Variants in MOB1B observed in about 807,000 individuals in gnomAD.
The protein encoded by MOB1B is MOB1 Mps One Binder homolog B.
A neutral mutation model predicts 24.4 loss-of-function variants in MOB1B; 19 were observed. The ratio of observed to expected loss-of-function variants is 0.78; its 90% CI spans 0.54 to 1.14. The LOEUF is 1.14. MOB1B is among the 50% of genes most tolerant of loss of function. The probability of loss-of-function intolerance (pLI) is 0.00; values close to 1 mark genes in which losing one functional copy is unlikely to be tolerated. For missense variants in MOB1B, 243 were observed against 259.6 expected (o/e 0.94, Z 0.44); for synonymous variants, 76 against 82.1 (o/e 0.93, Z 0.40).
At chr4:70,924,069 G>A (rs914570954) in intron 1 of MOB1B, among the ~76,000 whole-genome samples, 2 of 151,856 alleles carry the variant, frequency 1.3e-5, no homozygotes, top group African/African-American at 2.4e-5. Flanking sequence ...GTATTTTAAG[G>A]CAACTTTTTC....
At chr4:70,930,305 A>G (rs1264962276) in intron 1 of MOB1B, among the ~76,000 whole-genome samples, 1 of 152,172 alleles carries the variant, frequency 6.6e-6, no homozygotes, top group African/African-American at 2.4e-5. Context: ...AGCTCTAAAA[A>G]TAACTAAATT....
chr4:70,959,164 T>G (rs1302584357), intron 2 of MOB1B, 124 bp downstream of exon 2: 2 of 703,196 alleles, frequency 2.8e-6, no homozygotes, highest in Non-Finnish European at 4.7e-6. Context: ...GAGTGATATC[T>G]CAATCTAACT....
intron 1 of MOB1B, among the ~76,000 whole-genome samples, chr4:70,939,499 G>A (rs1344166151): frequency 1.3e-5 from 2 of 152,072 alleles, no homozygotes; most frequent in African/African-American, 2.4e-5. Flanking sequence ...CCTGGCCAAC[G>A]TGGCAAAACC....
At chr4:70,944,115 A>G (rs1737473085) in intron 1 of MOB1B, among the ~76,000 whole-genome samples, 1 of 152,014 alleles carries the variant, frequency 6.6e-6, no homozygotes, top group African/African-American at 2.4e-5. Context: ...GCTCATTTCA[A>G]CCTCCACCTT....
At chr4:70,921,982 C>T (rs905535187) in intron 1 of MOB1B, among the ~76,000 whole-genome samples, 2 of 152,182 alleles carry the variant, frequency 1.3e-5, no homozygotes, top group African/African-American at 4.8e-5. Context: ...TACATTGTTT[C>T]ATAAATAACC....
intron 1 of MOB1B, among the ~76,000 whole-genome samples, chr4:70,939,794 G>C (rs909636101): frequency 6.6e-6 from 1 of 152,204 alleles, no homozygotes; most frequent in African/African-American, 2.4e-5. Context: ...TGCCTAACAA[G>C]GACAGAGAGT....
At chr4:70,933,518 A>G (rs989214487) in intron 1 of MOB1B, among the ~76,000 whole-genome samples, 2 of 141,022 alleles carry the variant, frequency 1.4e-5, no homozygotes, top group South Asian at 2.4e-4. Context: ...AAATAGTTCT[A>G]TAGGGCTTGT....
chr4:70,902,677 AC>A, intron 1 of MOB1B, 127 bp downstream of exon 1: 1 of 903,992 alleles, frequency 1.1e-6, no homozygotes, highest in Non-Finnish European at 1.5e-6. Flanking sequence ...GCCCGGCGTC[AC>A]CACCAAGCGG....
At position 70,902,440 on chromosome 4, in the gene MOB1B, C is replaced by G. The variant is rs1278963474; in HGVS notation, c.-97C>G. On this transcript the variant is annotated 5_prime_UTR_variant, in exon 1 of 6. Transcript: ENST00000309395. ...CTCTCGGCACCTCCTCCTCCGCCTC[C>G]CTGTCTCCTGTTCCATTCGCCTTTC... The G allele has an allele frequency of 1.5e-6, 2 of 1,350,448 alleles. No homozygotes were observed. The highest frequency in any genetic ancestry group is 2.5e-5 in the East Asian group (1 of 39,930). 83.7% of individuals were successfully genotyped at this position (1,350,448 alleles called of 1,614,324 possible).
chr4:70,961,084 A>G (rs1052418306), intron 2 of MOB1B, among the ~76,000 whole-genome samples: 3 of 152,188 alleles, frequency 2.0e-5, no homozygotes, highest in African/African-American at 4.8e-5. Context: ...CTACGTACCT[A>G]TGATAAAGCT....
At chr4:70,930,286 C>T (rs1736838812) in intron 1 of MOB1B, among the ~76,000 whole-genome samples, 1 of 151,976 alleles carries the variant, frequency 6.6e-6, no homozygotes, top group African/African-American at 2.4e-5. Context: ...AGGCAGATGG[C>T]ATATGTGGAG....
chr4:70,969,359 G>C (rs1355961031), intron 2 of MOB1B, among the ~76,000 whole-genome samples: 1 of 152,122 alleles, frequency 6.6e-6, no homozygotes, highest in Non-Finnish European at 1.5e-5. Flanking sequence ...TTGAATTCCT[G>C]GGCTCAAGCG....
chr4:70,903,010 C>T (rs915941917), intron 1 of MOB1B, among the ~76,000 whole-genome samples: 2 of 152,234 alleles, frequency 1.3e-5, no homozygotes, highest in Non-Finnish European at 2.9e-5. Context: ...TTTCCCCTGT[C>T]ATCCCAGGAC....
intron 1 of MOB1B, among the ~76,000 whole-genome samples, chr4:70,932,248 A>G (rs1357917713): frequency 6.6e-6 from 1 of 152,170 alleles, no homozygotes; most frequent in African/African-American, 2.4e-5. Context: ...GAGAAATCAT[A>G]TCATCCATCA....
intron 1 of MOB1B, among the ~76,000 whole-genome samples, chr4:70,927,003 G>GAAA (rs11461406): frequency 7.1e-6 from 1 of 141,146 alleles, no homozygotes; most frequent in Non-Finnish European, 1.5e-5. Context: ...TCTCAAAAAA[G>GAAA]AAAAAAAAAA....
At chr4:70,951,970 C>T (rs1477448671) in intron 1 of MOB1B, among the ~76,000 whole-genome samples, 5 of 152,164 alleles carry the variant, frequency 3.3e-5, no homozygotes, top group South Asian at 2.1e-4. Context: ...TTAAGACTTT[C>T]GTACGTTGTG....
chr4:70,956,267 G>A (rs1738046418), intron 1 of MOB1B, among the ~76,000 whole-genome samples: 1 of 151,218 alleles, frequency 6.6e-6, no homozygotes, highest in African/African-American at 2.4e-5. Context: ...TTTTCTTTTA[G>A]CTCCTGATTC....
Position 70,930,047 on chromosome 4 carries a change from G to A in MOB1B, c.14+27497G>A, listed in dbSNP as rs1186923639. ...TGGAATTACAGGCATGAGCCACCGT[G>A]CCTGGCCAGAATGAAGTTTTAAAAT... On this transcript the variant is annotated intron_variant, in intron 1 of 5. Transcript: ENST00000309395. 2.0e-5 allele frequency among the ~76,000 whole-genome samples: 3 copies of A among 152,094 alleles called. No individual in the cohort carries two copies. In the East Asian group the frequency reaches 5.8e-4, roughly 29 times the overall value.
chr4:70,923,710 G>A (rs1736531971), intron 1 of MOB1B, among the ~76,000 whole-genome samples: 1 of 151,994 alleles, frequency 6.6e-6, no homozygotes, highest in African/African-American at 2.4e-5. Flanking sequence ...AGCACTCTTG[G>A]AGGCCAAGGC....
Sources: allele counts gnomAD v4.1 joint callset (sites outside exome capture counted in the v4.1 genomes callset), GRCh38; gene constraint gnomAD v4.1.1; transcripts MANE v1.5; gene names NCBI Gene and HGNC (gene_info 2026-07-23, HGNC 2026-07-21).